Variants in ZNRF1 observed in about 807,000 individuals in gnomAD.
ZNRF1 encodes E3 ubiquitin-protein ligase ZNRF1.
Under a neutral mutation model 18.4 loss-of-function variants are expected in ZNRF1, and 3 were observed. The observed-to-expected ratio is 0.16, with a 90% CI of 0.07 to 0.42. The LOEUF (loss-of-function observed/expected upper bound fraction) is 0.42, where lower values mean the gene tolerates loss of function less well. ZNRF1 is among the 10% of genes least tolerant of loss of function. The pLI is 0.99. For synonymous variants in ZNRF1, 157 were observed against 144.2 expected, an observed-to-expected ratio of 1.09 and a Z score of -0.64; for missense variants, 310 against 329.8, an observed-to-expected ratio of 0.94 and a Z score of 0.47.
Position 74,999,110 on chromosome 16 carries a change from A to C in ZNRF1, c.-562A>C, listed in dbSNP as rs965545717. ...GGCTGGCGGGGCCGGCGGCGGCTGA[A>C]GCGAGAGCGCGACGCGACGCGACCG... On this transcript the variant is annotated 5_prime_UTR_variant, in exon 1 of 5. Transcript: ENST00000335325. 1.4e-5 allele frequency: 2 copies of C among 148,056 alleles called. No homozygotes were observed. The highest frequency in any genetic ancestry group is 3.0e-5 in the Non-Finnish European group (2 of 66,486). The allele number at this position is 148,056 out of a possible 1,614,324, so 9.2% of individuals were successfully genotyped here. A position where few individuals can be genotyped will look rare whatever the true frequency, so the allele number is the denominator to read the frequency against.
rs533539713 is a variant in ZNRF1 at position 75,060,062 on chromosome 16, C to CT, written c.425-33500dup. Among the ~76,000 whole-genome samples, 736 of 148,816 alleles carry CT rather than the reference C, an allele frequency of 4.9e-3. 3 individuals are homozygous for CT. Among genetic ancestry groups the CT allele is most frequent in the Non-Finnish European group, 8.6e-3 (578 of 66,846 alleles). On this transcript the variant is annotated intron_variant, in intron 1 of 4. Transcript: ENST00000335325. ...CAAGGTGAAGTGACAGTTTTCTTTT[C>CT]TTTTTTTTTTGAGGCGAGTCTCACT...
rs530998956 is a variant in ZNRF1 at position 75,021,819 on chromosome 16, T to C, written c.424+21724T>C. 2.0e-5 allele frequency among the ~76,000 whole-genome samples: 3 copies of C among 152,340 alleles called. No homozygotes were observed. In the South Asian group the frequency reaches 6.2e-4, roughly 32 times the overall value. The stretch of plus-strand genomic sequence containing the variant: ...TTTAATTTATTTTTATACATCTGTT[T>C]GCTATTTGTCCTTGAATATCAAATA... On this transcript the variant is annotated intron_variant, in intron 1 of 4. Coordinates refer to ENST00000335325, the MANE Select transcript of ZNRF1 (RefSeq NM_032268.5).
intron 1 of ZNRF1, among the ~76,000 whole-genome samples, chr16:75,007,384 A>T (rs905258342): frequency 1.2e-4 from 19 of 152,170 alleles, no homozygotes; most frequent in African/African-American, 4.6e-4. Flanking sequence ...AGCAGCTGAA[A>T]TAGTTTCTAG....
chr16:75,092,953 C>A (rs1333966129), intron 1 of ZNRF1, among the ~76,000 whole-genome samples: 1 of 152,174 alleles, frequency 6.6e-6, no homozygotes, highest in Non-Finnish European at 1.5e-5. Context: ...ACCCCATTGT[C>A]CACCAGACCC....
intron 1 of ZNRF1, among the ~76,000 whole-genome samples, chr16:75,013,044 A>G (rs1183934368): frequency 1.3e-5 from 2 of 152,220 alleles, no homozygotes; most frequent in Non-Finnish European, 2.9e-5. Context: ...GTAGGATTAG[A>G]GATACATCCT....
intron 1 of ZNRF1, among the ~76,000 whole-genome samples, chr16:75,059,586 T>C (rs1230012166): frequency 1.3e-5 from 2 of 152,074 alleles, no homozygotes; most frequent in East Asian, 3.9e-4. Context: ...ACGAAATGGC[T>C]CAGATCTCGT....
In ZNRF1 at chr16:75,110,507, T is replaced by C. The variant is rs1340008374; in HGVS notation, c.*2807T>C. The C allele has an allele frequency of 6.6e-6, 1 of 152,232 alleles. No homozygotes were observed. Among genetic ancestry groups the C allele is most frequent in the East Asian group, 1.9e-4 (1 of 5,200 alleles). The allele number at this position is 152,232 out of a possible 1,614,324, so 9.4% of individuals were successfully genotyped here. A position where few individuals can be genotyped will look rare whatever the true frequency, so the allele number is the denominator to read the frequency against. ...GGAAAATGTCCTCATTCTTAGGAGA[T>C]AGATGCTGGATTATATAGGTGAATG... On this transcript the variant is annotated 3_prime_UTR_variant, in exon 5 of 5. Coordinates refer to ENST00000335325, the MANE Select transcript of ZNRF1 (RefSeq NM_032268.5).
At chr16:75,075,956 G>T (rs1240827309) in intron 1 of ZNRF1, among the ~76,000 whole-genome samples, 1 of 152,232 alleles carries the variant, frequency 6.6e-6, no homozygotes, top group African/African-American at 2.4e-5. Context: ...GATTGAGAGA[G>T]CGTTGTGTGA....
At chr16:75,026,891 T>C (rs1457989712) in intron 1 of ZNRF1, among the ~76,000 whole-genome samples, 1 of 144,748 alleles carries the variant, frequency 6.9e-6, no homozygotes, top group Non-Finnish European at 1.5e-5. Flanking sequence ...GGCAACAGAA[T>C]GAGACTGTCT....
intron 1 of ZNRF1, among the ~76,000 whole-genome samples, chr16:75,082,959 TCAC>T (rs2145412807): frequency 6.6e-6 from 1 of 152,354 alleles, no homozygotes; most frequent in Admixed American, 6.5e-5. Flanking sequence ...CACAGACACT[TCAC>T]CATGTAACAA....
At chr16:75,035,322 C>T (rs2035363840) in intron 1 of ZNRF1, among the ~76,000 whole-genome samples, 1 of 152,222 alleles carries the variant, frequency 6.6e-6, no homozygotes, top group East Asian at 1.9e-4. Context: ...GCGTGAGCCG[C>T]TGCACTGGGC....
intron 1 of ZNRF1, among the ~76,000 whole-genome samples, chr16:75,055,852 TGTCTC>T (rs972806406): frequency 1.2e-4 from 19 of 152,226 alleles, no homozygotes; most frequent in Admixed American, 7.2e-4. Flanking sequence ...AAGCTGGCCT[TGTCTC>T]CAACTGGGCA....
intron 1 of ZNRF1, among the ~76,000 whole-genome samples, chr16:75,040,437 T>G (rs1243373217): frequency 6.6e-6 from 1 of 151,698 alleles, no homozygotes; most frequent in Non-Finnish European, 1.5e-5. Context: ...TTCAGAAAGT[T>G]CCTATGCCTG....
At chr16:75,104,950 C>A in intron 3 of ZNRF1, 61 bp downstream of exon 3, 2 of 1,364,246 alleles carry the variant, frequency 1.5e-6, no homozygotes, top group Non-Finnish European at 2.0e-6. Flanking sequence ...GGACCCCCAT[C>A]TCCAGCCATT....
At chr16:75,019,610 A>G (rs2035117900) in intron 1 of ZNRF1, among the ~76,000 whole-genome samples, 1 of 152,218 alleles carries the variant, frequency 6.6e-6, no homozygotes, top group Non-Finnish European at 1.5e-5. Flanking sequence ...ACGCAGAAAA[A>G]TAAAAATGTT....
intron 1 of ZNRF1, among the ~76,000 whole-genome samples, chr16:75,041,627 G>T (rs2035448109): frequency 6.6e-6 from 1 of 152,068 alleles, no homozygotes; most frequent in Non-Finnish European, 1.5e-5. Flanking sequence ...ACCGTGCCCA[G>T]TCCTCACTGT....
intron 1 of ZNRF1, among the ~76,000 whole-genome samples, chr16:75,080,605 C>T (rs2035998089): frequency 6.6e-6 from 1 of 152,160 alleles, no homozygotes. Context: ...GTCCTTTTCC[C>T]TTCCCTAACT....
At chr16:75,004,591 A>G (rs1269009783) in intron 1 of ZNRF1, among the ~76,000 whole-genome samples, 5 of 152,174 alleles carry the variant, frequency 3.3e-5, no homozygotes, top group African/African-American at 9.6e-5. Flanking sequence ...TGAGACTGAT[A>G]CAAGGTGATT....
intron 1 of ZNRF1, among the ~76,000 whole-genome samples, chr16:75,020,705 C>T (rs909141702): frequency 6.6e-6 from 1 of 152,064 alleles, no homozygotes; most frequent in Non-Finnish European, 1.5e-5. Flanking sequence ...CCACACCCAG[C>T]TAATTTTTTT....
Sources: gnomAD v4.1 joint callset for allele counts (sites outside exome capture counted in the v4.1 genomes callset) on GRCh38, gnomAD v4.1.1 for gene constraint, MANE v1.5 for transcripts, NCBI Gene and HGNC (gene_info 2026-07-23, HGNC 2026-07-21) for gene names.